The following MTHFD1L variants were observed in gnomAD, a reference collection of about 807,000 sequenced individuals.
MTHFD1L encodes methylenetetrahydrofolate dehydrogenase (NADP+ dependent) 1 like.
A neutral mutation model predicts 119.5 loss-of-function variants in MTHFD1L; 81 were observed. The observed-to-expected ratio is 0.68, with a 90% CI of 0.57 to 0.82. The LOEUF (loss-of-function observed/expected upper bound fraction) is 0.82, where lower values mean the gene tolerates loss of function less well. MTHFD1L is among the 40% of genes least tolerant of loss of function. The pLI is 0.00. For synonymous variants in MTHFD1L, 430 were observed against 475.2 expected (o/e 0.90, Z 1.24); for missense variants, 1,125 against 1,253.4 (o/e 0.90, Z 1.55).
At chr6:150,966,763 A>G (rs117588363) in intron 19 of MTHFD1L, among the ~76,000 whole-genome samples, 1,968 of 152,292 alleles carry the variant, frequency 0.013, 20 homozygotes, top group South Asian at 0.036. Context: ...GGCGAAGATT[A>G]CAGTGAACTG....
intron 21 of MTHFD1L, among the ~76,000 whole-genome samples, chr6:151,013,208 C>T (rs1053295975): frequency 2.0e-5 from 3 of 152,026 alleles, no homozygotes; most frequent in African/African-American, 4.8e-5. Context: ...AGCAAGACCT[C>T]GTCTCTACAA....
chr6:151,032,904 G>A (rs949182748), intron 24 of MTHFD1L, among the ~76,000 whole-genome samples: 4 of 152,146 alleles, frequency 2.6e-5, no homozygotes, highest in Admixed American at 1.3e-4. Context: ...TATCAGGGTT[G>A]GGAGGGGAAG....
chr6:150,892,097 G>T (rs1783400404), intron 7 of MTHFD1L, among the ~76,000 whole-genome samples: 1 of 152,198 alleles, frequency 6.6e-6, no homozygotes, highest in Non-Finnish European at 1.5e-5. Context: ...CATGGTGGCA[G>T]CCTATCCAAG....
intron 20 of MTHFD1L, among the ~76,000 whole-genome samples, chr6:150,988,454 C>G (rs2128438314): frequency 6.6e-6 from 1 of 152,234 alleles, no homozygotes; most frequent in South Asian, 2.1e-4. Context: ...TTGTGCTGTT[C>G]TTACACAAAG....
At chr6:150,977,367 C>T (rs191714956) in intron 20 of MTHFD1L, among the ~76,000 whole-genome samples, 6 of 152,270 alleles carry the variant, frequency 3.9e-5, no homozygotes, top group South Asian at 2.1e-4. Flanking sequence ...AACAGAGTGA[C>T]ATTTATTTTA....
chr6:151,080,177 C>G lies in MTHFD1L; in HGVS notation c.2848-12290C>G, dbSNP rs964887256. The stretch of plus-strand genomic sequence containing the variant: ...TGGATGACGGAGTGAGACTCTGGCC[C>G]AAAAAAGAAAAAAATAATCCTATTG... On this transcript the variant is annotated intron_variant, in intron 26 of 27. Transcript: ENST00000367321. Among the ~76,000 whole-genome samples, 5 of 151,434 alleles carry G rather than the reference C, an allele frequency of 3.3e-5. No individual in the cohort carries two copies. The East Asian group carries it at 9.7e-4, about 30-fold the overall frequency.
intron 19 of MTHFD1L, among the ~76,000 whole-genome samples, chr6:150,967,660 C>G (rs149353525): frequency 0.025 from 3,757 of 152,212 alleles, 197 homozygotes; most frequent in Admixed American, 0.14. Context: ...GGCCTGTTTT[C>G]CCTTCCCCTC....
rs1223582816 is a variant in MTHFD1L, at chr6:151,012,016, CAACAAAAAAAAAAAAAAA to C, written c.2266-1760_2266-1743del. Among the ~76,000 whole-genome samples the C allele has an allele frequency of 5.1e-4, 14 of 27,620 alleles. No individual in the cohort carries two copies. In the East Asian group the frequency reaches 0.014, roughly 27 times the overall value. The allele number at this position is 27,620 out of a possible 152,430, so 18.1% of individuals were successfully genotyped here. A position where few individuals can be genotyped will look rare whatever the true frequency, so the allele number is the denominator to read the frequency against. The stretch of plus-strand genomic sequence containing the variant: ...AAGTCCATCTCAACAACAACAACAA[CAACAAAAAAAAAAAAAAA>C]AAAAAAAAAAAAAAAAACCAGCAGG... On this transcript the variant is annotated intron_variant, in intron 21 of 27. Coordinates refer to ENST00000367321, the MANE Select transcript of MTHFD1L (RefSeq NM_015440.5).
chr6:150,997,752 C>T (rs1458846800), intron 20 of MTHFD1L, among the ~76,000 whole-genome samples: 1 of 152,186 alleles, frequency 6.6e-6, no homozygotes, highest in Non-Finnish European at 1.5e-5. Flanking sequence ...GATCGTACCA[C>T]TGCACTCCAG....
At chr6:150,906,098 T>C (rs1298648614) in intron 8 of MTHFD1L, among the ~76,000 whole-genome samples, 1 of 152,246 alleles carries the variant, frequency 6.6e-6, no homozygotes, top group Non-Finnish European at 1.5e-5. Context: ...TAAAACCCTT[T>C]CTTCCAAAGA....
chr6:151,034,471 G>A (rs1785827398), intron 24 of MTHFD1L, 22 bp from the exon 25 acceptor site: 1 of 1,463,536 alleles, frequency 6.8e-7, no homozygotes, highest in Admixed American at 1.7e-5. Context: ...ATACAATTTT[G>A]TTATAATTTG....
intron 26 of MTHFD1L, among the ~76,000 whole-genome samples, chr6:151,046,490 T>G (rs1307054687): frequency 7.9e-6 from 1 of 126,602 alleles, no homozygotes; most frequent in Non-Finnish European, 1.6e-5. Flanking sequence ...TATATATATA[T>G]ATATATATAT....
chr6:150,911,258 A>G (rs1174066289), intron 8 of MTHFD1L, among the ~76,000 whole-genome samples: 2 of 152,230 alleles, frequency 1.3e-5, no homozygotes, highest in Non-Finnish European at 2.9e-5. Context: ...TATTACTAAT[A>G]GCTTATTAGT....
chr6:150,933,627 C>A (rs1161842017), intron 11 of MTHFD1L, among the ~76,000 whole-genome samples: 1 of 152,064 alleles, frequency 6.6e-6, no homozygotes, highest in Non-Finnish European at 1.5e-5. Flanking sequence ...CAGTGGGTAC[C>A]AGCGACCTCC....
rs181157996 is a variant in MTHFD1L at position 151,040,567 on chromosome 6, G to A, written c.2847+3450G>A. On this transcript the variant is annotated intron_variant, in intron 26 of 27. Transcript: ENST00000367321. Reference sequence around the variant, plus strand: ...CTACTTAAACAAAAATTAGCCAGGAGTCATGGCACGCACCTGGAGTCCCAG... The same window carrying A: ...CTACTTAAACAAAAATTAGCCAGGAATCATGGCACGCACCTGGAGTCCCAG... Among the ~76,000 whole-genome samples the A allele has an allele frequency of 3.0e-3, 460 of 152,122 alleles. 2 individuals carry two copies. The highest frequency in any genetic ancestry group is 0.011 in the African/African-American group (442 of 41,502).
At chr6:150,939,283 C>G (rs1583672392) in intron 13 of MTHFD1L, 1 of 152,600 alleles carries the variant, frequency 6.6e-6, no homozygotes, top group Middle Eastern at 3.4e-3. Context: ...TAGCATGGTC[C>G]CTGCACGAGG....
At chr6:151,024,275 C>T (rs773132948) in intron 24 of MTHFD1L, among the ~76,000 whole-genome samples, 2 of 152,182 alleles carry the variant, frequency 1.3e-5, no homozygotes, top group Non-Finnish European at 2.9e-5. Context: ...CGCGGCGGCT[C>T]ATGCCTGTAA....
At chr6:150,918,064 C>CTTTTTT (rs397887884) in intron 8 of MTHFD1L, among the ~76,000 whole-genome samples, 7 of 121,986 alleles carry the variant, frequency 5.7e-5, no homozygotes, top group African/African-American at 1.9e-4. Context: ...CTTAGATGGC[C>CTTTTTT]TTTTTTTTTT....
chr6:151,023,515 A>G (rs138117324), intron 24 of MTHFD1L, among the ~76,000 whole-genome samples: 42 of 152,212 alleles, frequency 2.8e-4, no homozygotes, highest in African/African-American at 9.1e-4. Flanking sequence ...TGTGTTAGAC[A>G]GTTTCGAGGG....
Sources: allele counts gnomAD v4.1 joint callset (sites outside exome capture counted in the v4.1 genomes callset), GRCh38; gene constraint gnomAD v4.1.1; transcripts MANE v1.5; gene names NCBI Gene and HGNC (gene_info 2026-07-23, HGNC 2026-07-21).